BCAS3: variants seen among roughly 807,000 people sequenced by gnomAD.
BCAS3 encodes the protein BCAS4/BCAS3 fusion.
Under a neutral mutation model 116.1 loss-of-function variants are expected in BCAS3, and 53 were observed. That is an observed-to-expected ratio of 0.46 (90% CI 0.37 to 0.57). The LOEUF is 0.57. BCAS3 is among the 20% of genes least tolerant of loss of function. The probability of loss-of-function intolerance (pLI) is 0.00; values close to 1 mark genes in which losing one functional copy is unlikely to be tolerated. For missense variants in BCAS3, 917 were observed against 1,165.4 expected, an observed-to-expected ratio of 0.79 and a Z score of 3.10; for synonymous variants, 391 against 408.2, an observed-to-expected ratio of 0.96 and a Z score of 0.51.
intron 6 of BCAS3, among the ~76,000 whole-genome samples, chr17:60,773,505 G>T (rs575003943): frequency 6.6e-6 from 1 of 151,894 alleles, no homozygotes; most frequent in East Asian, 1.9e-4. Flanking sequence ...GTTGCCCAGG[G>T]TGGTCTTAAA....
intron 4 of BCAS3, among the ~76,000 whole-genome samples, chr17:60,702,737 G>A (rs2036579273): frequency 6.6e-6 from 1 of 152,070 alleles, no homozygotes. Context: ...CTGTAGGCGT[G>A]TGCCACAGCG....
intron 7 of BCAS3, among the ~76,000 whole-genome samples, chr17:60,854,949 G>GTTTTTTTTTTTTTTTTT (rs1267985905): frequency 3.3e-5 from 4 of 121,952 alleles, no homozygotes; most frequent in East Asian, 2.4e-4. Context: ...TTTCAGTGAG[G>GTTTTTTTTTTTTTTTTT]TTTTTTTTTT....
chr17:60,878,268 C>A (rs1178248435), intron 9 of BCAS3, among the ~76,000 whole-genome samples: 4 of 152,008 alleles, frequency 2.6e-5, no homozygotes, highest in Non-Finnish European at 5.9e-5. Context: ...CCTTGGCCTT[C>A]TAAAGTTCTG....
chr17:60,881,848 C>T lies in BCAS3; in HGVS notation c.661+7110C>T, dbSNP rs544864520. Among the ~76,000 whole-genome samples, 70 of 146,368 alleles carry T rather than the reference C, an allele frequency of 4.8e-4. 2 individuals are homozygous for T. The South Asian group carries it at 0.015, about 31-fold the overall frequency. On this transcript the variant is annotated intron_variant, in intron 9 of 23. Coordinates refer to ENST00000407086, the MANE Select transcript of BCAS3 (RefSeq NM_017679.5). ...CTTAATCCAGTCTATCATTGTTGGA[C>T]ATTTGGGTTGGTTCCAAGTCTTTGC...
At chr17:61,273,144 G>A (rs2050453304) in intron 22 of BCAS3, among the ~76,000 whole-genome samples, 2 of 145,482 alleles carry the variant, frequency 1.4e-5, no homozygotes, top group Admixed American at 1.4e-4. Flanking sequence ...GTCTCACTTT[G>A]TCACCCAGGT....
rs1346378458 is a variant in BCAS3 at position 61,111,778 on chromosome 17, T to C, written c.2425+27214T>C. On this transcript the variant is annotated intron_variant, in intron 22 of 23. Coordinates refer to ENST00000407086, the MANE Select transcript of BCAS3 (RefSeq NM_017679.5). ...TCGAGAAGAGCAACTCCAAGACACATAATTGTCAGATTCACCAAAGTTGAA... is the reference window on the plus strand; with the variant it reads ...TCGAGAAGAGCAACTCCAAGACACACAATTGTCAGATTCACCAAAGTTGAA... 1.1e-4 allele frequency among the ~76,000 whole-genome samples: 13 copies of C among 117,262 alleles called. No homozygotes were observed. In the East Asian group the frequency reaches 2.4e-3, roughly 22 times the overall value. 76.9% of individuals were successfully genotyped at this position (117,262 alleles called of 152,430 possible).
chr17:60,716,112 C>T (rs1436280567), intron 5 of BCAS3, among the ~76,000 whole-genome samples: 6 of 152,156 alleles, frequency 3.9e-5, no homozygotes, highest in African/African-American at 7.2e-5. Context: ...GTGCCCGCCT[C>T]GGCCTCCCAA....
intron 10 of BCAS3, among the ~76,000 whole-genome samples, chr17:60,892,600 C>T (rs1052460507): frequency 2.0e-5 from 3 of 151,720 alleles, no homozygotes; most frequent in South Asian, 2.1e-4. Context: ...TGAGCCCCAG[C>T]GTCCGGCCGT....
At position 61,100,687 on chromosome 17, in the gene BCAS3, A is replaced by G. The variant is rs111323508; in HGVS notation, c.2425+16123A>G. ...AATGAATTCAATATTTCATCATGGA[A>G]CATTGAAACCAAGTTCTTGCATTTG... On this transcript the variant is annotated intron_variant, in intron 22 of 23. Coordinates refer to ENST00000407086, the MANE Select transcript of BCAS3 (RefSeq NM_017679.5). Among the ~76,000 whole-genome samples, 222 of 152,284 alleles carry G rather than the reference A, an allele frequency of 1.5e-3. 1 individual carries two copies. The highest frequency in any genetic ancestry group is 4.6e-3 in the African/African-American group (192 of 41,574).
intron 22 of BCAS3, among the ~76,000 whole-genome samples, chr17:61,232,993 T>G (rs2082781300): frequency 6.6e-6 from 1 of 152,210 alleles, no homozygotes; most frequent in Non-Finnish European, 1.5e-5. Flanking sequence ...TGGAACCATG[T>G]GCCGAAGTGT....
At chr17:61,250,308 A>T (rs1369803082) in intron 22 of BCAS3, among the ~76,000 whole-genome samples, 1 of 152,184 alleles carries the variant, frequency 6.6e-6, no homozygotes. Context: ...ACATGAGAAG[A>T]TTTATAAACA....
chr17:61,074,983 A>T lies in BCAS3; in HGVS notation c.2093A>T (p.Asp698Val). ...RHGSYDSLAS[D>V]HSGQEDEEWL... ...GGGTCTTACGACAGTTTAGCTTCTGACCATAGTGGACAGGAAGATGAAGAA... is the reference window on the plus strand; with the variant it reads ...GGGTCTTACGACAGTTTAGCTTCTGTCCATAGTGGACAGGAAGATGAAGAA... The change falls in exon 20 of 24, where the codon GAC becomes GTC. Residue 698 changes from aspartate to valine, a missense_variant. Physicochemically the swap from Asp to Val is radical, Grantham distance 152. Coordinates refer to ENST00000407086, the MANE Select transcript of BCAS3 (RefSeq NM_017679.5). 1 of 1,613,454 alleles carries T rather than the reference A, an allele frequency of 6.2e-7. No individual in the cohort carries two copies. Among genetic ancestry groups the T allele is most frequent in the Non-Finnish European group, 8.5e-7 (1 of 1,179,548 alleles).
At chr17:61,291,075 C>T (rs764560659) in intron 22 of BCAS3, among the ~76,000 whole-genome samples, 14 of 152,300 alleles carry the variant, frequency 9.2e-5, no homozygotes, top group Middle Eastern at 3.4e-3. Context: ...CCACCGCGCC[C>T]GGCCTAGTTT....
rs2076913642 is a variant in BCAS3, at chr17:61,141,506, T to C, written c.2425+56942T>C. 6.6e-6 allele frequency among the ~76,000 whole-genome samples: 1 copy of C among 152,080 alleles called. No homozygotes were observed. The highest frequency in any genetic ancestry group is 1.5e-5 in the Non-Finnish European group (1 of 68,016). On this transcript the variant is annotated intron_variant, in intron 22 of 23. Transcript: ENST00000407086. The surrounding 1 kb of genome is among the most constrained non-coding windows in gnomAD (Gnocchi z 4.3). ...CCAGGAGTTCGAGACTGCAGTGAGTTATGATCACACCACAGCACTCCAGCC... is the reference window on the plus strand; with the variant it reads ...CCAGGAGTTCGAGACTGCAGTGAGTCATGATCACACCACAGCACTCCAGCC...
intron 22 of BCAS3, among the ~76,000 whole-genome samples, chr17:61,269,859 A>C (rs1381640521): frequency 6.7e-6 from 1 of 148,240 alleles, no homozygotes; most frequent in African/African-American, 2.5e-5. Context: ...GCTGGAGTGC[A>C]GTGGCATGAC....
intron 14 of BCAS3, among the ~76,000 whole-genome samples, chr17:60,953,415 GT>G (rs199687529): frequency 2.7e-5 from 4 of 150,080 alleles, no homozygotes; most frequent in African/African-American, 7.3e-5. Flanking sequence ...GGGGTTTTTT[GT>G]TTTTTTTTCT....
chr17:61,188,601 T>G lies in BCAS3; in HGVS notation c.2425+104037T>G, dbSNP rs2079913917. 6.6e-6 allele frequency among the ~76,000 whole-genome samples: 1 copy of G among 152,254 alleles called. No homozygotes were observed. Among genetic ancestry groups the G allele is most frequent in the Non-Finnish European group, 1.5e-5 (1 of 68,048 alleles). On this transcript the variant is annotated intron_variant, in intron 22 of 23. Transcript: ENST00000407086. The surrounding 1 kb of genome is among the most constrained non-coding windows in gnomAD (Gnocchi z 4.0). ...TTTCTTTTTCTCTAAACCTTAGCAG[T>G]AGGTCTTAGCTTGTGCTAAGCATAT...
chr17:60,732,566 T>A (rs761000300), intron 5 of BCAS3, among the ~76,000 whole-genome samples: 2 of 152,026 alleles, frequency 1.3e-5, no homozygotes, highest in Non-Finnish European at 2.9e-5. Context: ...CTGGGCTGGG[T>A]GTGGTGGCTC....
At chr17:60,694,577 C>T (rs1055944222) in intron 4 of BCAS3, among the ~76,000 whole-genome samples, 4 of 151,508 alleles carry the variant, frequency 2.6e-5, no homozygotes, top group Non-Finnish European at 5.9e-5. Context: ...CTTCTGGGCT[C>T]AAGCCATCCT....
Sources: allele counts gnomAD v4.1 joint callset (sites outside exome capture counted in the v4.1 genomes callset), GRCh38; gene constraint gnomAD v4.1.1; non-coding constraint Gnocchi (gnomAD v3.1); transcripts MANE v1.5; gene names NCBI Gene and HGNC (gene_info 2026-07-23, HGNC 2026-07-21).